The following ITSN2 variants were observed in gnomAD, a reference collection of about 807,000 sequenced individuals.
ITSN2 encodes intersectin 2.
A neutral mutation model predicts 243.7 loss-of-function variants in ITSN2; 156 were observed. That is an observed-to-expected ratio of 0.64 (90% confidence interval 0.56 to 0.73). ITSN2 has a LOEUF of 0.73. ITSN2 is among the 30% of genes least tolerant of loss of function. ITSN2 has a pLI of 0.00. For synonymous variants in ITSN2, 703 were observed against 699.9 expected (o/e 1.00, Z -0.07); for missense variants, 1,801 against 1,996.1 (o/e 0.90, Z 1.86).
At chr2:24,328,551 C>T (rs1685420408) in intron 1 of ITSN2, among the ~76,000 whole-genome samples, 1 of 151,864 alleles carries the variant, frequency 6.6e-6, no homozygotes, top group Admixed American at 6.6e-5. Flanking sequence ...CAACCTCTGC[C>T]TCCTGGGTTC....
chr2:24,237,068 T>C (rs930119483), intron 29 of ITSN2, among the ~76,000 whole-genome samples: 1 of 152,086 alleles, frequency 6.6e-6, no homozygotes, highest in Non-Finnish European at 1.5e-5. Context: ...ATCAGCACAC[T>C]AGTGTAGAGG....
rs1426804530 is a variant in ITSN2 at position 24,202,927 on chromosome 2, G to C, written c.*699C>G. 11 of 152,616 alleles carry C rather than the reference G, an allele frequency of 7.2e-5. No individual in the cohort carries two copies. The highest frequency in any genetic ancestry group is 5.2e-4 in the Admixed American group (8 of 15,284). The allele number at this position is 152,616 out of a possible 1,614,324, so 9.5% of individuals were successfully genotyped here. A position where few individuals can be genotyped will look rare whatever the true frequency, so the allele number is the denominator to read the frequency against. ...CATATGGGCAATGATAAAGCTTAAA[G>C]ATGCATGTCCTAAGAAATATGCAAA... On this transcript the variant is annotated 3_prime_UTR_variant, in exon 40 of 40. Transcript: ENST00000355123.
Position 24,252,395 on chromosome 2 carries a change from C to A in ITSN2, c.3070G>T (p.Asp1024Tyr), listed in dbSNP as rs1674460540. Residue 1024 changes from aspartate to tyrosine, a missense_variant, in exon 25 of 40, where the codon GAT becomes TAT. This residue lies in a region of ITSN2 where 928 missense variants were observed against 1,065.4 expected (regional missense o/e 0.87). Coordinates refer to ENST00000355123, the MANE Select transcript of ITSN2 (RefSeq NM_006277.3). Reference sequence around the variant, plus strand: ...TTTGATGGAAAAATTCCACTTCTATCTCCAATACTTCCTGTCCACCACTCT... The same window carrying A: ...TTTGATGGAAAAATTCCACTTCTATATCCAATACTTCCTGTCCACCACTCT... ...DGEWWTGSIG[D>Y]RSGIFPSNYV... The A allele has an allele frequency of 3.7e-6, 6 of 1,613,108 alleles. No individual in the cohort carries two copies. The highest frequency in any genetic ancestry group is 1.3e-5 in the African/African-American group (1 of 74,898).
intron 9 of ITSN2, 107 bp downstream of exon 9, chr2:24,303,692 G>C: frequency 1.3e-6 from 1 of 784,262 alleles, no homozygotes. Context: ...GCATCTCTGA[G>C]TCACAAACTT....
rs142440085 is a variant in ITSN2, at chr2:24,310,313, C to T, written c.624G>A (p.Ala208=). The T allele has an allele frequency of 4.6e-4, 748 of 1,613,284 alleles. No homozygotes were observed. The highest frequency in any genetic ancestry group is 5.7e-4 in the Non-Finnish European group (671 of 1,179,608). The stretch of plus-strand genomic sequence containing the variant: ...TAGATCCTAAATCAATCAGAGACTG[C>T]GCTTTCTGTATACTAGCACCTCCAA... ...GGFGGASIQK[A]QSLIDLGSSS... The change falls in exon 7 of 40, where the codon GCG becomes GCA. Residue 208 remains alanine (A), a synonymous_variant. Coordinates refer to ENST00000355123, the MANE Select transcript of ITSN2 (RefSeq NM_006277.3).
At chr2:24,238,787 A>G (rs1033871013) in intron 29 of ITSN2, 1 of 152,162 alleles carries the variant, frequency 6.6e-6, no homozygotes, top group Non-Finnish European at 1.5e-5. Context: ...TTTGCCCCCT[A>G]TGATATAAAA....
chr2:24,309,096 T>A, intron 7 of ITSN2: 1 of 221,344 alleles, frequency 4.5e-6, no homozygotes, highest in South Asian at 5.0e-5. Context: ...CCTAAAACCA[T>A]TGCTTCAAGT....
Position 24,208,303 on chromosome 2 carries a change from T to C in ITSN2, c.4612A>G (p.Lys1538Glu). The change falls in exon 37 of 40, where the codon AAG (lysine) becomes GAG (glutamate). Residue 1538 changes from lysine to glutamate, a missense_variant. Physicochemically the swap from Lys to Glu is moderately conservative, Grantham distance 56 (BLOSUM62 1). This residue lies in a region of ITSN2 where 928 missense variants were observed against 1,065.4 expected (regional missense o/e 0.87). Coordinates refer to ENST00000355123, the MANE Select transcript of ITSN2 (RefSeq NM_006277.3). ...NINERTAWVQ[K>E]IKAASEQYID... ...TACTGCTCAGACGCCGCCTTGATCT[T>C]CTGCACCCAGGCGGTCCTACGGGAG... The C allele has an allele frequency of 6.2e-7, 1 of 1,612,422 alleles. No homozygotes were observed. Among genetic ancestry groups the C allele is most frequent in the Non-Finnish European group, 8.5e-7 (1 of 1,179,854 alleles).
At chr2:24,205,110 G>A in intron 38 of ITSN2, 104 bp downstream of exon 38, 1 of 892,358 alleles carries the variant, frequency 1.1e-6, no homozygotes, top group Middle Eastern at 2.2e-4. Context: ...TCGTGCCACT[G>A]CACTCCAGCC....
chr2:24,219,027 ACTC>A (rs1174725462), intron 30 of ITSN2, among the ~76,000 whole-genome samples: 1 of 151,780 alleles, frequency 6.6e-6, no homozygotes, highest in Admixed American at 6.6e-5. Flanking sequence ...GCTACTTCAC[ACTC>A]CAGTCACCCT....
At chr2:24,338,250 GTCTTTAGA>G (rs1318489828) in intron 1 of ITSN2, among the ~76,000 whole-genome samples, 2 of 152,062 alleles carry the variant, frequency 1.3e-5, no homozygotes, top group Non-Finnish European at 2.9e-5. Context: ...TTGATCCCAG[GTCTTTAGA>G]TAAACTCAAG....
intron 37 of ITSN2, chr2:24,206,287 AAC>A (rs753136700): frequency 3.1e-4 from 134 of 438,794 alleles, no homozygotes; most frequent in Non-Finnish European, 5.8e-4. Flanking sequence ...TGAATAAAAA[AAC>A]ACATAAAGAG....
Position 24,205,078 on chromosome 2 carries a change from C to A in ITSN2, c.4762+136G>T, listed in dbSNP as rs186503195. ...TTGAGAATCACTTGTACCCCAGAGG[C>A]AGAGGTTGCAGTGAGCCAAGATCGT... On this transcript the variant is annotated intron_variant, in intron 38 of 39. Coordinates refer to ENST00000355123, the MANE Select transcript of ITSN2 (RefSeq NM_006277.3). 3.3e-4 allele frequency: 209 copies of A among 642,682 alleles called. 2 individuals carry two copies. The Admixed American group carries it at 4.6e-3, about 14-fold the overall frequency. The allele number at this position is 642,682 out of a possible 1,614,324, so 39.8% of individuals were successfully genotyped here.
rs550633434 is a variant in ITSN2, at chr2:24,296,260, T to G, written c.1495-456A>C. ...CCCAGGAGGAACGTTTTGGCAACAG[T>G]TCTGTTCTATACTAATATTCTTCTC... On this transcript the variant is annotated intron_variant, in intron 13 of 39. Transcript: ENST00000355123. Among the ~76,000 whole-genome samples, 15 of 152,226 alleles carry G rather than the reference T, an allele frequency of 9.9e-5. 1 individual carries two copies. In the South Asian group the frequency reaches 3.1e-3, roughly 32 times the overall value.
At chr2:24,265,491 T>C (rs560923395) in intron 20 of ITSN2, among the ~76,000 whole-genome samples, 42 of 151,936 alleles carry the variant, frequency 2.8e-4, no homozygotes, top group African/African-American at 9.1e-4. Flanking sequence ...AGTAGCTTAA[T>C]AGATTCTATG....
chr2:24,296,596 G>A (rs1320269849), intron 13 of ITSN2, among the ~76,000 whole-genome samples: 1 of 152,032 alleles, frequency 6.6e-6, no homozygotes, highest in Admixed American at 6.6e-5. Context: ...ACCATATAAG[G>A]ACACAATGAA....
At chr2:24,278,201 C>T (rs1574119316) in intron 17 of ITSN2, among the ~76,000 whole-genome samples, 4 of 152,286 alleles carry the variant, frequency 2.6e-5, no homozygotes, top group Non-Finnish European at 5.9e-5. Context: ...AAATAGAGCT[C>T]TAAGTATTCC....
At chr2:24,344,047 C>G (rs1687298598) in intron 1 of ITSN2, among the ~76,000 whole-genome samples, 1 of 152,162 alleles carries the variant, frequency 6.6e-6, no homozygotes, top group African/African-American at 2.4e-5. Flanking sequence ...TGTTATTTTT[C>G]AAACCCAAAT....
At chr2:24,319,945 C>T (rs970437961) in intron 2 of ITSN2, among the ~76,000 whole-genome samples, 15 of 152,210 alleles carry the variant, frequency 9.9e-5, no homozygotes, top group African/African-American at 3.4e-4. Flanking sequence ...TTCAGGTCAG[C>T]CTCAACTCAC....
Sources: gnomAD v4.1 joint callset for allele counts (sites outside exome capture counted in the v4.1 genomes callset) on GRCh38, gnomAD v4.1.1 for gene constraint, gnomAD v4.1.1 regional missense constraint, MANE v1.5 for transcripts, NCBI Gene and HGNC (gene_info 2026-07-23, HGNC 2026-07-21) for gene names.